The following MDM2 variants were observed in gnomAD, a reference collection of about 807,000 sequenced individuals.
MDM2 encodes the protein E3 ubiquitin-protein ligase Mdm2.
In MDM2, 11 loss-of-function variants were observed where a neutral mutation model predicts 64.3. The ratio of observed to expected loss-of-function variants is 0.17; its 90% confidence interval spans 0.11 to 0.28. MDM2 has a LOEUF of 0.28. Ranked by LOEUF, MDM2 falls within the 10% of genes least tolerant of loss-of-function variation. The probability of loss-of-function intolerance (pLI) is 1.00; values close to 1 mark genes in which losing one functional copy is unlikely to be tolerated. For missense variants in MDM2, 388 were observed against 577.1 expected, an observed-to-expected ratio of 0.67 and a Z score of 3.36; for synonymous variants, 194 against 192.9, an observed-to-expected ratio of 1.01 and a Z score of -0.05.
At position 68,843,007 on chromosome 12, in the gene MDM2, C is replaced by T. The variant is rs1883924259; in HGVS notation, c.*3158C>T. The stretch of plus-strand genomic sequence containing the variant: ...AAATACTAAGTTCTAACTTGTCATT[C>T]CTGGTAGAACAAGCTTTATTTTTCG... On this transcript the variant is annotated 3_prime_UTR_variant, in exon 11 of 11. Transcript: ENST00000258149. The T allele has an allele frequency of 4.7e-6, 1 of 213,484 alleles. No individual in the cohort carries two copies. Among genetic ancestry groups the T allele is most frequent in the South Asian group, 1.9e-4 (1 of 5,344 alleles). 13.2% of individuals were successfully genotyped at this position (213,484 alleles called of 1,614,324 possible). A position where few individuals can be genotyped will look rare whatever the true frequency, so the allele number is the denominator to read the frequency against.
chr12:68,842,195 A>C lies in MDM2; in HGVS notation c.*2346A>C. ...ATAAAACTACTGATGCAGTGAAGAC[A>C]GTTGAAAAGATCAAACAAATGCCAA... On this transcript the variant is annotated 3_prime_UTR_variant, in exon 11 of 11. Coordinates refer to ENST00000258149, the MANE Select transcript of MDM2 (RefSeq NM_002392.6). The C allele has an allele frequency of 2.0e-6, 1 of 500,764 alleles. No homozygotes were observed. The highest frequency in any genetic ancestry group is 3.9e-6 in the Non-Finnish European group (1 of 254,196). The allele number at this position is 500,764 out of a possible 1,614,324, so 31.0% of individuals were successfully genotyped here.
At chr12:68,813,141 G>A (rs1881053921) in intron 2 of MDM2, among the ~76,000 whole-genome samples, 1 of 152,088 alleles carries the variant, frequency 6.6e-6, no homozygotes, top group African/African-American at 2.4e-5. Flanking sequence ...GCTTGGGTTA[G>A]TTAGTTAGGT....
chr12:68,842,247 G>T lies in MDM2; in HGVS notation c.*2398G>T. ...CTATATTTATAATGAACAAATTCAAGAAAAAGGACTACGGAAAGTTCAGGA... is the reference window on the plus strand; with the variant it reads ...CTATATTTATAATGAACAAATTCAATAAAAAGGACTACGGAAAGTTCAGGA... On this transcript the variant is annotated 3_prime_UTR_variant, in exon 11 of 11. Transcript: ENST00000258149. 2.0e-6 allele frequency: 1 copy of T among 497,728 alleles called. No individual in the cohort carries two copies. The highest frequency in any genetic ancestry group is 4.0e-6 in the Non-Finnish European group (1 of 251,998). 30.8% of individuals were successfully genotyped at this position (497,728 alleles called of 1,614,324 possible). A position where few individuals can be genotyped will look rare whatever the true frequency, so the allele number is the denominator to read the frequency against.
Position 68,824,703 on chromosome 12 carries a change from C to T in MDM2, c.523+52C>T, listed in dbSNP as rs1565738838. 7 of 1,201,102 alleles carry T rather than the reference C, an allele frequency of 5.8e-6. No individual in the cohort carries two copies. In the Admixed American group the frequency reaches 6.3e-5, roughly 11 times the overall value. The allele number at this position is 1,201,102 out of a possible 1,614,324, so 74.4% of individuals were successfully genotyped here. ...TTCACACAGCTTTTTGATATTCTTTCTCTAATGAAATTAGTGCTTTTAGAC... is the reference window on the plus strand; with the variant it reads ...TTCACACAGCTTTTTGATATTCTTTTTCTAATGAAATTAGTGCTTTTAGAC... On this transcript the variant is annotated intron_variant, in intron 7 of 10. Transcript: ENST00000258149.
At chr12:68,814,583 C>T in intron 3 of MDM2, 1 of 376,634 alleles carries the variant, frequency 2.7e-6, no homozygotes, top group Non-Finnish European at 5.1e-6. Flanking sequence ...AATTAATGGA[C>T]CCCCTGAATT....
At chr12:68,813,305 GTTGT>G (rs775949813) in intron 2 of MDM2, among the ~76,000 whole-genome samples, 8 of 152,178 alleles carry the variant, frequency 5.3e-5, no homozygotes, top group Non-Finnish European at 1.2e-4. Context: ...GTAATTTATG[GTTGT>G]TTGTAAGGCA....
Position 68,828,894 on chromosome 12 carries a change from G to T in MDM2, c.647G>T (p.Ser216Ile). The T allele has an allele frequency of 6.2e-7, 1 of 1,614,028 alleles. No homozygotes were observed. The highest frequency in any genetic ancestry group is 8.5e-7 in the Non-Finnish European group (1 of 1,179,974). The part of the protein sequence containing the change: ...CVIREICCER[S>I]SSSESTGTPS... ...ATAAGGGAGATATGTTGTGAAAGAA[G>T]CAGTAGCAGTGAATCTACAGGGACG... The change falls in exon 8 of 11, where the codon AGC becomes ATC. Residue 216 changes from serine (S) to isoleucine (I), a missense_variant. Ser to Ile is a moderately radical substitution (Grantham distance 142). This residue lies in a region of MDM2 where 168 missense variants were observed against 236.6 expected (regional missense o/e 0.71). Transcript: ENST00000258149.
chr12:68,841,119 T>G lies in MDM2; in HGVS notation c.*1270T>G. 5.2e-6 allele frequency: 1 copy of G among 190,534 alleles called. No homozygotes were observed. Among genetic ancestry groups the G allele is most frequent in the Non-Finnish European group, 1.1e-5 (1 of 90,850 alleles). The allele number at this position is 190,534 out of a possible 1,614,324, so 11.8% of individuals were successfully genotyped here. A position where few individuals can be genotyped will look rare whatever the true frequency, so the allele number is the denominator to read the frequency against. On this transcript the variant is annotated 3_prime_UTR_variant, in exon 11 of 11. Transcript: ENST00000258149. ...CCTCAGCCTCCCAAAATGCTGGGATTACAGATGTGAGGCACCTGGCCTCAG... is the reference window on the plus strand; with the variant it reads ...CCTCAGCCTCCCAAAATGCTGGGATGACAGATGTGAGGCACCTGGCCTCAG...
chr12:68,822,374 T>TG (rs1411344808), intron 5 of MDM2, among the ~76,000 whole-genome samples: 28 of 151,840 alleles, frequency 1.8e-4, no homozygotes, highest in Non-Finnish European at 3.8e-4. Flanking sequence ...TAAAGCTCTT[T>TG]TTTTTTTTGA....
At chr12:68,832,129 G>A (rs1882846189) in intron 8 of MDM2, among the ~76,000 whole-genome samples, 3 of 152,112 alleles carry the variant, frequency 2.0e-5, no homozygotes, top group African/African-American at 4.8e-5. Flanking sequence ...AAAGCTTTTG[G>A]TAGGGCCAGT....
At chr12:68,830,823 C>T (rs1328906388) in intron 8 of MDM2, among the ~76,000 whole-genome samples, 4 of 152,140 alleles carry the variant, frequency 2.6e-5, no homozygotes, top group Non-Finnish European at 5.9e-5. Context: ...GTCTCAGCCT[C>T]CTGAGTAGCT....
At chr12:68,828,680 G>C in intron 7 of MDM2, 91 bp from the exon 8 acceptor site, 1 of 1,110,844 alleles carries the variant, frequency 9.0e-7, no homozygotes, top group Non-Finnish European at 1.3e-6. Context: ...TAATTTTATT[G>C]AAACTAAGTT....
At chr12:68,811,601 ATTTTTTTT>A (rs34328350) in intron 2 of MDM2, among the ~76,000 whole-genome samples, 1 of 114,364 alleles carries the variant, frequency 8.7e-6, no homozygotes, top group Admixed American at 9.5e-5. Flanking sequence ...TCCATTACAG[ATTTTTTTT>A]TTTTTTTTTT....
intron 8 of MDM2, among the ~76,000 whole-genome samples, chr12:68,834,148 G>T (rs1294903570): frequency 6.6e-6 from 1 of 152,160 alleles, no homozygotes; most frequent in Non-Finnish European, 1.5e-5. Flanking sequence ...GCCTTTAGAA[G>T]TTAAATGATA....
chr12:68,835,475 G>T (rs1351235416), intron 8 of MDM2, among the ~76,000 whole-genome samples: 1 of 152,256 alleles, frequency 6.6e-6, no homozygotes, highest in Non-Finnish European at 1.5e-5. Flanking sequence ...TGTTAATACA[G>T]TCACACTGTA....
At chr12:68,819,654 G>A (rs1881684597) in intron 4 of MDM2, among the ~76,000 whole-genome samples, 1 of 152,090 alleles carries the variant, frequency 6.6e-6, no homozygotes, top group Admixed American at 6.6e-5. Context: ...ACCATGCCCA[G>A]CTAATTTTAT....
chr12:68,847,198 A>T (rs1445821683), downstream of MDM2: 2 of 129,088 alleles, frequency 1.5e-5, no homozygotes, highest in East Asian at 4.1e-4. Flanking sequence ...TGTGTACATT[A>T]TATATATATA....
chr12:68,837,297 C>T (rs1565746631), intron 10 of MDM2, among the ~76,000 whole-genome samples: 2 of 151,876 alleles, frequency 1.3e-5, no homozygotes, highest in South Asian at 2.1e-4. Flanking sequence ...CAGTGTATCT[C>T]CAGTATACTC....
rs542860790 is a variant in MDM2, at chr12:68,839,425, C to T, written c.1070C>T (p.Thr357Ile). Residue 357 changes from threonine (T) to isoleucine (I), a missense_variant, in exon 11 of 11, where the codon ACA (threonine) becomes ATA (isoleucine). Transcript: ENST00000258149. Reference protein sequence around the residue: ...ISEKAKLENSTQAEEGFDVPD... With the variant: ...ISEKAKLENSIQAEEGFDVPD... ...GAGAAAGCCAAACTGGAAAACTCAA[C>T]ACAAGCTGAAGAGGGCTTTGATGTT... The T allele has an allele frequency of 6.2e-7, 1 of 1,613,798 alleles. No individual in the cohort carries two copies. The highest frequency in any genetic ancestry group is 8.5e-7 in the Non-Finnish European group (1 of 1,179,984).
Sources: gnomAD v4.1 joint callset for allele counts (sites outside exome capture counted in the v4.1 genomes callset) on GRCh38, gnomAD v4.1.1 for gene constraint, gnomAD v4.1.1 regional missense constraint, MANE v1.5 for transcripts, NCBI Gene and HGNC (gene_info 2026-07-23, HGNC 2026-07-21) for gene names.